AK5: variants seen among roughly 807,000 people sequenced by gnomAD.
AK5 encodes adenylate kinase isoenzyme 5.
A neutral mutation model predicts 69.5 loss-of-function variants in AK5; 27 were observed. That is an observed-to-expected ratio of 0.39 (90% CI 0.29 to 0.54). The LOEUF (loss-of-function observed/expected upper bound fraction) is 0.54. AK5 is among the 20% of genes least tolerant of loss of function. The probability of loss-of-function intolerance (pLI) is 0.71; values close to 1 mark genes in which losing one functional copy is unlikely to be tolerated. For missense variants in AK5, 531 were observed against 700.4 expected, an observed-to-expected ratio of 0.76 and a Z score of 2.73; for synonymous variants, 260 against 244.4, an observed-to-expected ratio of 1.06 and a Z score of -0.60.
At chr1:77,507,944 A>G (rs958085621) in intron 10 of AK5, among the ~76,000 whole-genome samples, 23 of 152,224 alleles carry the variant, frequency 1.5e-4, no homozygotes, top group African/African-American at 4.1e-4. Context: ...CTAGTCTTCA[A>G]TCAACATCTT....
intron 10 of AK5, among the ~76,000 whole-genome samples, chr1:77,498,480 G>A (rs1557637184): frequency 6.6e-6 from 1 of 152,202 alleles, no homozygotes; most frequent in Admixed American, 6.5e-5. Flanking sequence ...CTAGTCAAAA[G>A]CAACACTACA....
chr1:77,376,752 C>G (rs901764133), intron 6 of AK5, among the ~76,000 whole-genome samples: 8 of 152,038 alleles, frequency 5.3e-5, no homozygotes, highest in African/African-American at 1.2e-4. Context: ...ACCAGCTGGG[C>G]AGCATAGTGA....
chr1:77,481,673 C>A (rs1224929233), intron 8 of AK5, among the ~76,000 whole-genome samples: 1 of 152,188 alleles, frequency 6.6e-6, no homozygotes, highest in Non-Finnish European at 1.5e-5. Flanking sequence ...AGGCAAGAGG[C>A]CAGCATAAAG....
At chr1:77,333,458 A>G (rs369041130) in intron 5 of AK5, among the ~76,000 whole-genome samples, 10 of 151,994 alleles carry the variant, frequency 6.6e-5, no homozygotes, top group African/African-American at 2.4e-4. Flanking sequence ...GTATTTTACA[A>G]TTTACCTTCT....
chr1:77,313,723 G>A (rs1051424698), intron 5 of AK5: 8 of 471,462 alleles, frequency 1.7e-5, no homozygotes, highest in African/African-American at 9.9e-5. Context: ...TTTGCTTTCC[G>A]TACCCTGTGG....
At chr1:77,410,541 A>G (rs1649974924) in intron 6 of AK5, among the ~76,000 whole-genome samples, 1 of 152,010 alleles carries the variant, frequency 6.6e-6, no homozygotes. Context: ...CGGCCTCCCA[A>G]AGTGCTAGGA....
intron 10 of AK5, 59 bp from the exon 11 acceptor site, chr1:77,518,505 C>T: frequency 6.4e-7 from 1 of 1,558,736 alleles, no homozygotes. Context: ...ATGGTGACTA[C>T]CATTAAAAAT....
At chr1:77,444,249 AACATATGTGT>A (rs1652538660) in intron 8 of AK5, among the ~76,000 whole-genome samples, 2 of 24,696 alleles carry the variant, frequency 8.1e-5, no homozygotes, top group African/African-American at 2.1e-4. Flanking sequence ...ATATATACAC[AACATATGTGT>A]ATATATATAG....
intron 6 of AK5, among the ~76,000 whole-genome samples, chr1:77,354,208 G>A (rs1410021262): frequency 1.3e-5 from 2 of 151,830 alleles, no homozygotes; most frequent in Non-Finnish European, 2.9e-5. Flanking sequence ...CTAATTTCTT[G>A]TTGCTCTCTC....
chr1:77,558,477 T>TGC (rs1553164077), intron 13 of AK5, 125 bp from the exon 14 acceptor site: 10 of 513,232 alleles, frequency 1.9e-5, no homozygotes, highest in East Asian at 6.6e-5. Flanking sequence ...CTCTGTGTTT[T>TGC]GGGGGGGGTC....
chr1:77,455,961 T>C (rs1433234840), intron 8 of AK5, among the ~76,000 whole-genome samples: 1 of 152,146 alleles, frequency 6.6e-6, no homozygotes, highest in Non-Finnish European at 1.5e-5. Flanking sequence ...GTCTCCAAAA[T>C]GTAAGAAAGT....
intron 8 of AK5, among the ~76,000 whole-genome samples, chr1:77,474,111 C>T (rs1165781307): frequency 6.6e-6 from 1 of 152,168 alleles, no homozygotes; most frequent in Non-Finnish European, 1.5e-5. Context: ...TCATTTGTCT[C>T]ATGTGGAGTT....
intron 6 of AK5, among the ~76,000 whole-genome samples, chr1:77,377,602 A>G (rs189681327): frequency 6.6e-6 from 1 of 152,320 alleles, no homozygotes; most frequent in Non-Finnish European, 1.5e-5. Context: ...GGCAATGTGT[A>G]TGATCATGTC....
chr1:77,549,670 C>G (rs1297035949), intron 13 of AK5, among the ~76,000 whole-genome samples: 1 of 152,166 alleles, frequency 6.6e-6, no homozygotes, highest in Non-Finnish European at 1.5e-5. Context: ...TAATATTTAG[C>G]TCTCAGAAAT....
At chr1:77,416,180 A>G (rs763027956) in intron 7 of AK5, among the ~76,000 whole-genome samples, 2 of 152,198 alleles carry the variant, frequency 1.3e-5, no homozygotes, top group Non-Finnish European at 2.9e-5. Context: ...AAAAAATACC[A>G]AAAGTACAAA....
chr1:77,417,671 G>T lies in AK5; in HGVS notation c.1015G>T (p.Asp339Tyr). Residue 339 changes from aspartate (D) to tyrosine (Y), a missense_variant, in exon 8 of 14, where the codon GAC becomes TAC. Physicochemically the swap from Asp to Tyr is radical, Grantham distance 160. Transcript: ENST00000354567. ...SSDLDPSMIL[D>Y]TGEIIDTGSD... is the part of the protein sequence containing the mutation. ...TGACCTTGATCCTTCGATGATATTG[G>T]ACACTGGAGAGATCATTGATACAGG... 6.2e-7 allele frequency: 1 copy of T among 1,609,536 alleles called. No individual in the cohort carries two copies. Among genetic ancestry groups the T allele is most frequent in the South Asian group, 1.1e-5 (1 of 90,578 alleles).
chr1:77,475,183 ATATATATATATATGTG>A (rs761606948), intron 8 of AK5, among the ~76,000 whole-genome samples: 852 of 19,260 alleles, frequency 0.044, 11 homozygotes, highest in East Asian at 0.17. Context: ...ATATATATAT[ATATATATATATATGTG>A]TGTGTGTGTG....
At position 77,483,307 on chromosome 1, in the gene AK5, T is replaced by C. The variant is rs1655384121; in HGVS notation, c.1060-10T>C. ...GTTATTATTATCTAATATTGTGATT[T>C]TTTTAACAGGGTGATGACCAGTTAA... is the stretch of plus-strand genomic sequence containing the variant. On this transcript the variant is annotated splice_polypyrimidine_tract_variant and intron_variant, in intron 8 of 13. Transcript: ENST00000354567. 1 of 1,608,052 alleles carries C rather than the reference T, an allele frequency of 6.2e-7. No homozygotes were observed. The highest frequency in any genetic ancestry group is 1.1e-5 in the South Asian group (1 of 90,934).
chr1:77,482,836 A>C (rs1347660480), intron 8 of AK5, among the ~76,000 whole-genome samples: 1 of 151,688 alleles, frequency 6.6e-6, no homozygotes, highest in Non-Finnish European at 1.5e-5. Context: ...AATAGTTACT[A>C]TCTGGCCCTT....
Sources: allele counts gnomAD v4.1 joint callset (sites outside exome capture counted in the v4.1 genomes callset), GRCh38; gene constraint gnomAD v4.1.1; transcripts MANE v1.5; gene names NCBI Gene and HGNC (gene_info 2026-07-23, HGNC 2026-07-21).